The following SLC16A4 variants were observed in gnomAD, a reference collection of about 807,000 sequenced individuals.
The protein encoded by SLC16A4 is probable monocarboxylate transporter 5.
In SLC16A4, 39 loss-of-function variants were observed where a neutral mutation model predicts 47.9. The observed-to-expected ratio is 0.81, with a 90% CI of 0.63 to 1.06. The LOEUF is 1.06. Among genes scored for constraint, SLC16A4 ranks in the 50% least tolerant of loss-of-function variants. The pLI, the probability that SLC16A4 is intolerant of heterozygous loss-of-function variation, is 0.00. For missense variants in SLC16A4, 524 were observed against 573.8 expected (o/e 0.91, Z 0.89); for synonymous variants, 189 against 199.9 (o/e 0.95, Z 0.46).
chr1:110,368,608 TTCTTA>T (rs1395376223), intron 8 of SLC16A4, among the ~76,000 whole-genome samples: 1 of 152,236 alleles, frequency 6.6e-6, no homozygotes, highest in Non-Finnish European at 1.5e-5. Context: ...CCAGACTCTT[TTCTTA>T]TATCTATGGC....
chr1:110,379,365 GGAGA>G lies in SLC16A4; in HGVS notation c.527-13_527-10del. The G allele has an allele frequency of 6.3e-7, 1 of 1,583,268 alleles. No individual in the cohort carries two copies. On this transcript the variant is annotated splice_polypyrimidine_tract_variant and intron_variant, in intron 5 of 8. Coordinates refer to ENST00000369779, the MANE Select transcript of SLC16A4 (RefSeq NM_004696.3). ...AAATAATATAAGGGCTCCTAAATAGGGAGAGATTGAGCAATTAAAAATAGCCTTT... is the reference window on the plus strand; with the variant it reads ...AAATAATATAAGGGCTCCTAAATAGGGATTGAGCAATTAAAAATAGCCTTT...
chr1:110,364,078 A>C (rs1000037350), intron 8 of SLC16A4, among the ~76,000 whole-genome samples, 185 bp from the exon 9 acceptor site: 2 of 152,206 alleles, frequency 1.3e-5, no homozygotes, highest in Non-Finnish European at 1.5e-5. Context: ...AGGGACTTAC[A>C]CCATCTCCAA....
chr1:110,381,573 G>A, intron 4 of SLC16A4, 79 bp downstream of exon 4: 1 of 1,429,266 alleles, frequency 7.0e-7, no homozygotes, highest in Non-Finnish European at 9.5e-7. Flanking sequence ...CACCCACTTT[G>A]GCCTCCCAAA....
chr1:110,383,835 A>C (rs1217062704), intron 2 of SLC16A4, among the ~76,000 whole-genome samples: 1 of 58,716 alleles, frequency 1.7e-5, no homozygotes, highest in African/African-American at 9.6e-5. Flanking sequence ...TTTTTTTTGG[A>C]AACGGCTGTT....
At chr1:110,380,090 A>G (rs1662286932) in intron 5 of SLC16A4, among the ~76,000 whole-genome samples, 1 of 149,374 alleles carries the variant, frequency 6.7e-6, no homozygotes. Context: ...GGAGGGAGGA[A>G]GGCATGGATA....
rs576240455 is a variant in SLC16A4, at chr1:110,386,003, T to C, written c.88-3037A>G. On this transcript the variant is annotated intron_variant, in intron 2 of 8. Transcript: ENST00000369779. ...CATGAGCAAGGAATAATACAGTGCA[T>C]CATTCTGTAAAGTAAACTTCCTTTT... Among the ~76,000 whole-genome samples the C allele has an allele frequency of 2.0e-4, 30 of 152,316 alleles. No homozygotes were observed. The South Asian group carries it at 2.9e-3, about 15-fold the overall frequency.
rs1263268725 is a variant in SLC16A4, at chr1:110,379,007, G to T, written c.876C>A (p.Asp292Glu). 1 of 1,614,178 alleles carries T rather than the reference G, an allele frequency of 6.2e-7. No homozygotes were observed. The highest frequency in any genetic ancestry group is 1.1e-5 in the South Asian group (1 of 91,086). Residue 292 changes from aspartate to glutamate, a missense_variant, in exon 6 of 9, where the codon GAC becomes GAA. Asp to Glu is a conservative substitution (Grantham distance 45, BLOSUM62 2). Coordinates refer to ENST00000369779, the MANE Select transcript of SLC16A4 (RefSeq NM_004696.3). ...VISWSCKQLF[D>E]ISLFRNPFFY... ...AGAAAGGATTTCTAAAGAGAGAAAT[G>T]TCAAACAGTTGTTTGCAGCTCCACG...
intron 7 of SLC16A4, 64 bp downstream of exon 7, chr1:110,376,886 A>G: frequency 7.7e-7 from 1 of 1,291,824 alleles, no homozygotes; most frequent in South Asian, 1.3e-5. Context: ...TATTTTGGGG[A>G]GATTGTTACT....
chr1:110,386,870 C>T (rs1662762823), intron 2 of SLC16A4, among the ~76,000 whole-genome samples: 2 of 152,248 alleles, frequency 1.3e-5, no homozygotes, highest in Non-Finnish European at 2.9e-5. Context: ...GCCCCCACTG[C>T]TCCACTGTAC....
chr1:110,380,948 A>G (rs1350018921), intron 5 of SLC16A4, 34 bp downstream of exon 5: 2 of 1,591,610 alleles, frequency 1.3e-6, no homozygotes, highest in Admixed American at 3.4e-5. Context: ...TAAATCTTGC[A>G]CAGTTGATAG....
At chr1:110,383,105 C>A in intron 2 of SLC16A4, 139 bp from the exon 3 acceptor site, 1 of 627,762 alleles carries the variant, frequency 1.6e-6, no homozygotes, top group East Asian at 2.9e-5. Flanking sequence ...CATTATACAT[C>A]TTATATTTTA....
At chr1:110,389,420 A>G (rs1337871176) in intron 1 of SLC16A4, 65 bp from the exon 2 acceptor site, 1 of 988,772 alleles carries the variant, frequency 1.0e-6, no homozygotes, top group Admixed American at 1.9e-5. Flanking sequence ...TAAACTTTTT[A>G]TCTGAAAGGG....
At chr1:110,385,526 G>A (rs1662686794) in intron 2 of SLC16A4, among the ~76,000 whole-genome samples, 1 of 152,042 alleles carries the variant, frequency 6.6e-6, no homozygotes, top group African/African-American at 2.4e-5. Context: ...CTTATCCTAT[G>A]CCTACTCTTT....
At chr1:110,376,874 CG>C in intron 7 of SLC16A4, 75 bp downstream of exon 7, 2 of 1,171,736 alleles carry the variant, frequency 1.7e-6, no homozygotes, top group Non-Finnish European at 2.4e-6. Context: ...ATACAAAATA[CG>C]TATTTTGGGG....
In SLC16A4 at chr1:110,379,295, T is replaced by A; in HGVS notation, c.588A>T (p.Arg196Ser). Residue 196 changes from arginine to serine, a missense_variant, in exon 6 of 9, where the codon AGA becomes AGT. Physicochemically the swap from Arg to Ser is moderately radical, Grantham distance 110 (BLOSUM62 -1). Coordinates refer to ENST00000369779, the MANE Select transcript of SLC16A4 (RefSeq NM_004696.3). ...LNLVPSSMLL[R>S]PIHIKSENNS... is the part of the protein sequence containing the mutation. ...TGTTCTCACTTTTGATATGGATGGG[T>A]CTTAAGAGCATACTAGAAGGCACCA... is the stretch of plus-strand genomic sequence containing the variant. The A allele has an allele frequency of 6.2e-7, 1 of 1,613,356 alleles. No individual in the cohort carries two copies. Among genetic ancestry groups the A allele is most frequent in the Non-Finnish European group, 8.5e-7 (1 of 1,179,332 alleles).
rs575015433 is a variant in SLC16A4 at position 110,365,675 on chromosome 1, G to A, written c.1337-1782C>T. ...ACATTTCTAGAAAGGAAGGAGTATA[G>A]AAGGTAGCAGTCCTTACCCTCCCAT... On this transcript the variant is annotated intron_variant, in intron 8 of 8. Coordinates refer to ENST00000369779, the MANE Select transcript of SLC16A4 (RefSeq NM_004696.3). 2.6e-5 allele frequency among the ~76,000 whole-genome samples: 4 copies of A among 152,284 alleles called. No individual in the cohort carries two copies. The South Asian group carries it at 6.2e-4, about 24-fold the overall frequency.
chr1:110,373,897 G>A (rs1661824526), intron 8 of SLC16A4, among the ~76,000 whole-genome samples: 1 of 151,284 alleles, frequency 6.6e-6, no homozygotes, highest in African/African-American at 2.4e-5. Context: ...GGCTGGTCTG[G>A]AACTCCTGGA....
At chr1:110,378,815 T>A (rs370036831) in intron 6 of SLC16A4, 38 bp downstream of exon 6, 2 of 1,542,510 alleles carry the variant, frequency 1.3e-6, no homozygotes, top group Non-Finnish European at 1.7e-6. Flanking sequence ...TAAGTTGATC[T>A]TTCCTTTTGG....
At chr1:110,385,573 T>C (rs1369972368) in intron 2 of SLC16A4, among the ~76,000 whole-genome samples, 1 of 152,202 alleles carries the variant, frequency 6.6e-6, no homozygotes, top group Non-Finnish European at 1.5e-5. Context: ...CCCATTCATT[T>C]GAGTGACAGA....
Sources: allele counts gnomAD v4.1 joint callset (sites outside exome capture counted in the v4.1 genomes callset), GRCh38; gene constraint gnomAD v4.1.1; transcripts MANE v1.5; gene names NCBI Gene and HGNC (gene_info 2026-07-23, HGNC 2026-07-21).